FAM81A: variants seen among roughly 807,000 people sequenced by gnomAD.
FAM81A encodes protein FAM81A.
FAM81A carries 19 observed loss-of-function variants against 46.7 expected under a neutral mutation model. That is an observed-to-expected ratio of 0.41 (90% CI 0.28 to 0.60). The LOEUF is 0.60. Among genes scored for constraint, FAM81A ranks in the 20% least tolerant of loss-of-function variants. The pLI, the probability that FAM81A is intolerant of heterozygous loss-of-function variation, is 0.34. For synonymous variants in FAM81A, 183 were observed against 152.9 expected (o/e 1.20, Z -1.45); for missense variants, 377 against 453.5 (o/e 0.83, Z 1.53).
intron 3 of FAM81A, among the ~76,000 whole-genome samples, chr15:59,467,008 G>C (rs1233336093): frequency 6.6e-6 from 1 of 152,210 alleles, no homozygotes; most frequent in East Asian, 1.9e-4. Context: ...TCAAAGATCA[G>C]ATGGTTGTAG....
intron 1 of FAM81A, among the ~76,000 whole-genome samples, chr15:59,398,516 T>C (rs1449574664): frequency 6.6e-6 from 1 of 152,028 alleles, no homozygotes; most frequent in East Asian, 1.9e-4. Flanking sequence ...CTCAGCACTT[T>C]GGGAGGCCAA....
chr15:59,425,021 C>T (rs1342033925), intron 2 of FAM81A, among the ~76,000 whole-genome samples: 1 of 152,140 alleles, frequency 6.6e-6, no homozygotes, highest in East Asian at 1.9e-4. Context: ...CTCTGGTACT[C>T]CTCTTTTTCC....
chr15:59,405,106 G>A (rs758294960), intron 2 of FAM81A, among the ~76,000 whole-genome samples: 12 of 152,182 alleles, frequency 7.9e-5, no homozygotes, highest in Non-Finnish European at 1.5e-4. Context: ...AACTTCCTCA[G>A]AGAGGTCTTC....
chr15:59,457,880 A>G (rs2081503728), intron 1 of FAM81A, among the ~76,000 whole-genome samples: 1 of 152,230 alleles, frequency 6.6e-6, no homozygotes, highest in Non-Finnish European at 1.5e-5. Flanking sequence ...CCTAAATAAT[A>G]AAGTATTTTA....
intron 3 of FAM81A, among the ~76,000 whole-genome samples, chr15:59,478,305 G>T (rs979940208): frequency 6.6e-6 from 1 of 152,176 alleles, no homozygotes; most frequent in African/African-American, 2.4e-5. Flanking sequence ...TGGGTTATGG[G>T]AAACTGTATC....
chr15:59,509,516 T>A (rs1029654421), intron 6 of FAM81A, among the ~76,000 whole-genome samples: 10 of 152,160 alleles, frequency 6.6e-5, no homozygotes, highest in Non-Finnish European at 1.0e-4. Flanking sequence ...CCTGATGTGA[T>A]CACTAGAGTC....
At chr15:59,499,032 C>T (rs2082063434) in intron 4 of FAM81A, among the ~76,000 whole-genome samples, 1 of 152,038 alleles carries the variant, frequency 6.6e-6, no homozygotes, top group South Asian at 2.1e-4. Context: ...TTCCTAGTTT[C>T]CTAGTTTGTT....
At chr15:59,507,983 A>G (rs1472870074) in intron 5 of FAM81A, among the ~76,000 whole-genome samples, 1 of 152,242 alleles carries the variant, frequency 6.6e-6, no homozygotes, top group Non-Finnish European at 1.5e-5. Context: ...CTATTCCAGT[A>G]AAATAGGAGC....
At chr15:59,425,782 T>C (rs1010158839) in intron 2 of FAM81A, among the ~76,000 whole-genome samples, 1 of 152,122 alleles carries the variant, frequency 6.6e-6, no homozygotes, top group Non-Finnish European at 1.5e-5. Context: ...TGCATCACCA[T>C]GACTGGATAA....
chr15:59,503,504 G>A (rs2082117174), intron 4 of FAM81A, among the ~76,000 whole-genome samples: 1 of 151,930 alleles, frequency 6.6e-6, no homozygotes, highest in South Asian at 2.1e-4. Flanking sequence ...TATGCACATA[G>A]ATCTAGCATG....
At chr15:59,515,290 T>C (rs144846600) in intron 7 of FAM81A, among the ~76,000 whole-genome samples, 2 of 152,304 alleles carry the variant, frequency 1.3e-5, no homozygotes, top group Admixed American at 1.3e-4. Context: ...AAAATTGTTA[T>C]GCTCCCAAAC....
At chr15:59,450,254 A>T (rs1437096433) in intron 1 of FAM81A, among the ~76,000 whole-genome samples, 1 of 151,458 alleles carries the variant, frequency 6.6e-6, no homozygotes, top group Non-Finnish European at 1.5e-5. Context: ...TTTCAATACT[A>T]TTTGTTCTTT....
In FAM81A at chr15:59,460,543, A is replaced by G; in HGVS notation, c.294+337A>G. 2.6e-6 allele frequency: 1 copy of G among 388,552 alleles called. No individual in the cohort carries two copies. The highest frequency in any genetic ancestry group is 4.9e-6 in the Non-Finnish European group (1 of 204,594). The allele number at this position is 388,552 out of a possible 1,614,324, so 24.1% of individuals were successfully genotyped here. On this transcript the variant is annotated intron_variant, in intron 3 of 8. Transcript: ENST00000288228. This position sits in a 1 kb window ranked among gnomAD's most constrained non-coding sequence, Gnocchi z 4.4. ...TATAATCTTTCATATCTTTGAAGACAGCTATTAAGTCAATTACTAAGGTCA... is the reference window on the plus strand; with the variant it reads ...TATAATCTTTCATATCTTTGAAGACGGCTATTAAGTCAATTACTAAGGTCA...
At chr15:59,440,843 T>A (rs2081289807) in intron 1 of FAM81A, among the ~76,000 whole-genome samples, 1 of 152,168 alleles carries the variant, frequency 6.6e-6, no homozygotes, top group South Asian at 2.1e-4. Context: ...TTTGTTTCAA[T>A]GTGTTGGGCT....
chr15:59,507,879 G>T (rs1049102877), intron 5 of FAM81A, among the ~76,000 whole-genome samples: 3 of 152,102 alleles, frequency 2.0e-5, no homozygotes, highest in Non-Finnish European at 4.4e-5. Flanking sequence ...TTGTTTTTTG[G>T]CCACTTAAAA....
intron 2 of FAM81A, among the ~76,000 whole-genome samples, chr15:59,404,370 C>T (rs1362306405): frequency 6.6e-6 from 1 of 152,168 alleles, no homozygotes; most frequent in African/African-American, 2.4e-5. Context: ...TTTCTTCCCA[C>T]CTTAGACAAG....
intron 8 of FAM81A, among the ~76,000 whole-genome samples, chr15:59,519,353 T>G (rs2082302495): frequency 6.6e-6 from 1 of 151,944 alleles, no homozygotes; most frequent in African/African-American, 2.4e-5. Flanking sequence ...CAGGCCCAGC[T>G]AATTTTTGTA....
intron 3 of FAM81A, among the ~76,000 whole-genome samples, chr15:59,461,614 C>T (rs1050039240): frequency 6.6e-6 from 1 of 152,146 alleles, no homozygotes; most frequent in Admixed American, 6.5e-5. Flanking sequence ...AGCCACTGTG[C>T]CCAGCCTGGC....
chr15:59,516,755 AGAG>A lies in FAM81A; in HGVS notation c.901_903del (p.Glu301del), dbSNP rs769353873. 6.2e-6 allele frequency: 10 copies of A among 1,613,578 alleles called. No individual in the cohort carries two copies. The highest frequency in any genetic ancestry group is 2.2e-5 in the East Asian group (1 of 44,892). On this transcript the variant is annotated inframe_deletion, in exon 8 of 9. Transcript: ENST00000288228. ...TTGATGGTCAGAGAACAAGGCAAGA[AGAG>A]GAGAAGATGCACGGGCGAATCACCA...
Sources: allele counts gnomAD v4.1 joint callset (sites outside exome capture counted in the v4.1 genomes callset), GRCh38; gene constraint gnomAD v4.1.1; non-coding constraint Gnocchi (gnomAD v3.1); transcripts MANE v1.5; gene names NCBI Gene and HGNC (gene_info 2026-07-23, HGNC 2026-07-21).